ELP3: variants seen among roughly 807,000 people sequenced by gnomAD.
ELP3 encodes elongator complex protein 3.
Under a neutral mutation model 74.9 loss-of-function variants are expected in ELP3, and 56 were observed. The observed-to-expected ratio is 0.75, with a 90% CI of 0.60 to 0.93. The LOEUF (loss-of-function observed/expected upper bound fraction) is 0.93, where lower values mean the gene tolerates loss of function less well. ELP3 is among the 40% of genes least tolerant of loss of function. The pLI, the probability that ELP3 is intolerant of heterozygous loss-of-function variation, is 0.00. For synonymous variants in ELP3, 222 were observed against 239.8 expected (o/e 0.93, Z 0.68); for missense variants, 573 against 686.5 (o/e 0.83, Z 1.85).
intron 9 of ELP3, among the ~76,000 whole-genome samples, chr8:28,136,723 G>T (rs1294134231): frequency 6.6e-6 from 1 of 152,180 alleles, no homozygotes; most frequent in Non-Finnish European, 1.5e-5. Context: ...AAGATAAAAA[G>T]TATTTTTCCA....
chr8:28,184,400 T>G (rs919529222), intron 14 of ELP3, among the ~76,000 whole-genome samples: 3 of 152,184 alleles, frequency 2.0e-5, no homozygotes, highest in African/African-American at 7.2e-5. Context: ...TCGTGAGGCC[T>G]GAGTGCCCCT....
intron 10 of ELP3, among the ~76,000 whole-genome samples, chr8:28,154,051 A>C (rs1813738666): frequency 2.0e-5 from 3 of 152,174 alleles, no homozygotes; most frequent in Admixed American, 2.0e-4. Context: ...CATGTTCCTA[A>C]ATGCAAGAAG....
intron 1 of ELP3, among the ~76,000 whole-genome samples, chr8:28,095,303 T>C (rs149719200): frequency 2.0e-5 from 3 of 152,398 alleles, no homozygotes; most frequent in African/African-American, 7.2e-5. Flanking sequence ...ATCTTATCTG[T>C]TCTTATCAGC....
intron 9 of ELP3, 22 bp downstream of exon 9, chr8:28,132,426 C>T (rs757811822): frequency 1.7e-5 from 27 of 1,613,622 alleles, no homozygotes; most frequent in South Asian, 7.7e-5. Context: ...TTCAGCCAGG[C>T]GCATTCAGAA....
chr8:28,181,207 T>C (rs1361143690), intron 14 of ELP3, among the ~76,000 whole-genome samples: 1 of 152,256 alleles, frequency 6.6e-6, no homozygotes, highest in Non-Finnish European at 1.5e-5. Context: ...ATTCTTAATT[T>C]TGTCTGCCAT....
At chr8:28,114,629 A>G (rs901102111) in intron 7 of ELP3, among the ~76,000 whole-genome samples, 4 of 152,124 alleles carry the variant, frequency 2.6e-5, no homozygotes, top group Non-Finnish European at 5.9e-5. Flanking sequence ...CAGGACCCAA[A>G]CACCTCCCAC....
chr8:28,127,402 A>G (rs1281682049), intron 7 of ELP3, among the ~76,000 whole-genome samples: 2 of 152,180 alleles, frequency 1.3e-5, no homozygotes, highest in Admixed American at 1.3e-4. Flanking sequence ...TTTTAAAAAT[A>G]CCAGTTGGAA....
At chr8:28,164,522 C>T (rs557865447) in intron 14 of ELP3, among the ~76,000 whole-genome samples, 48 of 152,232 alleles carry the variant, frequency 3.2e-4, no homozygotes, top group African/African-American at 1.1e-3. Context: ...TCTTGGGACT[C>T]TAGTGAGTTC....
chr8:28,125,929 T>C (rs1299465231), intron 7 of ELP3, among the ~76,000 whole-genome samples: 1 of 152,200 alleles, frequency 6.6e-6, no homozygotes, highest in Admixed American at 6.5e-5. Flanking sequence ...GGTAGATGTA[T>C]CTGGAGGCTG....
chr8:28,123,194 A>G (rs1812440410), intron 7 of ELP3, among the ~76,000 whole-genome samples: 1 of 152,206 alleles, frequency 6.6e-6, no homozygotes, highest in Non-Finnish European at 1.5e-5. Flanking sequence ...GCTGAATCCC[A>G]CACATTTTGA....
rs989820879 is a variant in ELP3, at chr8:28,129,579, T to G, written c.695T>G (p.Leu232Ter). Residue 232 changes from leucine to a stop codon, truncating the protein, a stop_gained, in exon 8 of 15, where the codon TTA becomes TGA. Coordinates refer to ENST00000256398, the MANE Select transcript of ELP3 (RefSeq NM_018091.6). LOFTEE classifies it high-confidence loss of function. ...CCAGATTACTGCATGAAGCGACATT[T>G]AAGTGACATGTTGACCTATGGCTGC... ...TRPDYCMKRH[L>*]SDMLTYGCTR... The G allele has an allele frequency of 3.1e-6, 5 of 1,614,090 alleles. No individual in the cohort carries two copies. Among genetic ancestry groups the G allele is most frequent in the Non-Finnish European group, 3.4e-6 (4 of 1,180,028 alleles).
chr8:28,177,066 G>A (rs1585751559), intron 14 of ELP3, among the ~76,000 whole-genome samples: 4 of 152,216 alleles, frequency 2.6e-5, no homozygotes, highest in African/African-American at 7.2e-5. Context: ...TCTTATCTTG[G>A]TAGCCTTTTC....
chr8:28,097,386 T>C, intron 2 of ELP3, 68 bp downstream of exon 2: 2 of 1,003,258 alleles, frequency 2.0e-6, no homozygotes, highest in Non-Finnish European at 1.5e-6. Flanking sequence ...AATTATCTAG[T>C]ACTACTTGTT....
chr8:28,097,135 G>A (rs989603992), intron 1 of ELP3, 84 bp from the exon 2 acceptor site: 15 of 857,098 alleles, frequency 1.8e-5, no homozygotes, highest in African/African-American at 3.3e-5. Context: ...GTATGGTTTC[G>A]GATGGAAAAC....
intron 14 of ELP3, among the ~76,000 whole-genome samples, chr8:28,174,220 C>CTATT (rs1367815555): frequency 1.3e-5 from 2 of 151,916 alleles, no homozygotes; most frequent in African/African-American, 4.8e-5. Flanking sequence ...TAATGTAGAA[C>CTATT]TATTTATTTC....
Position 28,147,335 on chromosome 8 carries a change from C to T in ELP3, c.1101-8607C>T, listed in dbSNP as rs759962868. Among the ~76,000 whole-genome samples the T allele has an allele frequency of 6.6e-6, 1 of 152,178 alleles. No individual in the cohort carries two copies. The highest frequency in any genetic ancestry group is 1.5e-5 in the Non-Finnish European group (1 of 68,040). On this transcript the variant is annotated intron_variant, in intron 10 of 14. Transcript: ENST00000256398. The surrounding 1 kb of genome is among the most constrained non-coding windows in gnomAD (Gnocchi z 4.5). ...AGCGTGGCCAGCAGCGTGCCTGGCA[C>T]CTGACTGATGCAGAGGTAAGGAGAG...
chr8:28,165,934 G>T (rs1477254722), intron 14 of ELP3, among the ~76,000 whole-genome samples: 2 of 152,178 alleles, frequency 1.3e-5, no homozygotes, highest in Non-Finnish European at 2.9e-5. Context: ...GGCTACATGA[G>T]AAAATTGAAA....
intron 7 of ELP3, among the ~76,000 whole-genome samples, chr8:28,128,721 G>C (rs559310901): frequency 1.3e-5 from 2 of 152,256 alleles, no homozygotes; most frequent in South Asian, 4.1e-4. Context: ...CTAGTGGGAG[G>C]ATTCAGTACT....
chr8:28,182,003 T>A (rs1289108017), intron 14 of ELP3, among the ~76,000 whole-genome samples: 2 of 152,242 alleles, frequency 1.3e-5, no homozygotes, highest in Admixed American at 1.3e-4. Flanking sequence ...AATCACAAGC[T>A]AGGTAGCACT....
Sources: gnomAD v4.1 joint callset for allele counts (sites outside exome capture counted in the v4.1 genomes callset) on GRCh38, gnomAD v4.1.1 for gene constraint, Gnocchi (gnomAD v3.1) non-coding constraint, MANE v1.5 for transcripts, NCBI Gene and HGNC (gene_info 2026-07-23, HGNC 2026-07-21) for gene names.